The following THAP8 variants were observed in gnomAD, a reference collection of about 807,000 sequenced individuals.
THAP8 encodes THAP domain-containing protein 8.
THAP8 carries 24 observed loss-of-function variants against 25.0 expected under a neutral mutation model. That is an observed-to-expected ratio of 0.96 (90% CI 0.69 to 1.35). The LOEUF is 1.35. Ranked by LOEUF, THAP8 falls within the 40% of genes most tolerant of loss-of-function variation. The probability of loss-of-function intolerance (pLI) is 0.00; values close to 1 mark genes in which losing one functional copy is unlikely to be tolerated. For missense variants in THAP8, 399 were observed against 368.8 expected (o/e 1.08, Z -0.67); for synonymous variants, 169 against 157.6 (o/e 1.07, Z -0.54).
rs977715402 is a variant in THAP8, at chr19:36,054,072, T to C, written c.83+63A>G. On this transcript the variant is annotated intron_variant, in intron 1 of 3. Coordinates refer to ENST00000292894, the MANE Select transcript of THAP8 (RefSeq NM_152658.3). ...CAGAAGCCCCGCACAGCAGCACTAA[T>C]GCTCGGGCCCCACCCCTCTCAGGGT... is the stretch of plus-strand genomic sequence containing the variant. 7.1e-6 allele frequency: 11 copies of C among 1,558,214 alleles called. No homozygotes were observed. In the South Asian group the frequency reaches 9.2e-5, roughly 13 times the overall value.
In THAP8 at chr19:36,039,519, C is replaced by T. The variant is rs191321109; in HGVS notation, c.476G>A (p.Arg159Gln). Residue 159 changes from arginine (R) to glutamine (Q), a missense_variant, in exon 3 of 4, where the codon CGG (arginine) becomes CAG (glutamine). Transcript: ENST00000292894. ...TTGGGCAGGGACTTCAGGTTGTGAC[C>T]GCTCAGGAGTTGGCGCAGGGGCCAG... is the stretch of plus-strand genomic sequence containing the variant. ...TPLAPAPTPE[R>Q]SQPEVPAQQA... 3.0e-4 allele frequency: 470 copies of T among 1,568,306 alleles called. 5 individuals carry two copies. The East Asian group carries it at 9.2e-3, about 31-fold the overall frequency.
chr19:36,042,614 G>A (rs1276924780), intron 1 of THAP8, among the ~76,000 whole-genome samples: 2 of 152,246 alleles, frequency 1.3e-5, no homozygotes, highest in African/African-American at 4.8e-5. Flanking sequence ...CTGGGCAAAA[G>A]AGCGACATGC....
At chr19:36,040,360 C>T (rs117097125) in intron 1 of THAP8, among the ~76,000 whole-genome samples, 1,606 of 152,236 alleles carry the variant, frequency 0.011, 20 homozygotes, top group Non-Finnish European at 0.014. Context: ...GGGTTTCGCA[C>T]TTGTCACCCA....
chr19:36,035,657 T>C, intron 3 of THAP8, 65 bp from the exon 4 acceptor site: 1 of 1,570,818 alleles, frequency 6.4e-7, no homozygotes, highest in Non-Finnish European at 8.7e-7. Context: ...GACAGACAGA[T>C]AACGGTGAGG....
At chr19:36,048,437 C>T (rs186065517) in intron 1 of THAP8, among the ~76,000 whole-genome samples, 84 of 151,574 alleles carry the variant, frequency 5.5e-4, no homozygotes, top group Middle Eastern at 3.4e-3. Context: ...GCGATCTTGG[C>T]TGACTGCAAC....
chr19:36,054,719 A>C, upstream of THAP8: 1 of 592,974 alleles, frequency 1.7e-6, no homozygotes, highest in Non-Finnish European at 3.0e-6. Context: ...GTCTGGATGA[A>C]AGACCCCATG....
chr19:36,036,325 G>C (rs1268788040), intron 3 of THAP8, among the ~76,000 whole-genome samples: 2 of 146,530 alleles, frequency 1.4e-5, no homozygotes, highest in African/African-American at 5.2e-5. Context: ...ACCCAGGCTG[G>C]AGTGCAGTAG....
At chr19:36,036,968 C>T (rs991981348) in intron 3 of THAP8, among the ~76,000 whole-genome samples, 13 of 148,912 alleles carry the variant, frequency 8.7e-5, no homozygotes, top group African/African-American at 2.7e-4. Flanking sequence ...AAATCGGATA[C>T]TCCTTAACTC....
upstream of THAP8, chr19:36,054,658 T>C (rs1970240428): frequency 3.6e-6 from 2 of 561,932 alleles, no homozygotes; most frequent in Non-Finnish European, 6.4e-6. Context: ...GCCGTGGCCT[T>C]AGCCTCGTAA....
At chr19:36,043,430 TAG>T (rs888514546) in intron 1 of THAP8, among the ~76,000 whole-genome samples, 1 of 152,090 alleles carries the variant, frequency 6.6e-6, no homozygotes, top group African/African-American at 2.4e-5. Context: ...CCAATGGGGA[TAG>T]AGTGTTTTAG....
intron 1 of THAP8, among the ~76,000 whole-genome samples, chr19:36,044,767 T>C (rs1363058188): frequency 6.6e-6 from 1 of 152,128 alleles, no homozygotes; most frequent in Non-Finnish European, 1.5e-5. Flanking sequence ...GCTGCGATTA[T>C]AGGCATGAGG....
At chr19:36,042,858 C>T (rs1969745737) in intron 1 of THAP8, among the ~76,000 whole-genome samples, 1 of 152,282 alleles carries the variant, frequency 6.6e-6, no homozygotes, top group East Asian at 1.9e-4. Flanking sequence ...TCTCTGCCTC[C>T]TGGGTTCAAG....
chr19:36,036,666 C>G (rs1464722033), intron 3 of THAP8, among the ~76,000 whole-genome samples: 1 of 151,910 alleles, frequency 6.6e-6, no homozygotes, highest in Non-Finnish European at 1.5e-5. Flanking sequence ...CCTGGCTGGG[C>G]ATGGTGGCTC....
intron 3 of THAP8, among the ~76,000 whole-genome samples, chr19:36,036,415 A>G (rs1459860496): frequency 1.3e-5 from 2 of 151,778 alleles, no homozygotes; most frequent in Admixed American, 6.6e-5. Flanking sequence ...AGCTAGAACT[A>G]TAGGTGCAAC....
At chr19:36,040,852 T>C (rs1969666892) in intron 1 of THAP8, among the ~76,000 whole-genome samples, 1 of 152,128 alleles carries the variant, frequency 6.6e-6, no homozygotes, top group Non-Finnish European at 1.5e-5. Flanking sequence ...AAAACGTTTC[T>C]TCCACACCAT....
chr19:36,035,357 G>A lies in THAP8; in HGVS notation c.*83C>T. The A allele has an allele frequency of 2.6e-6, 4 of 1,527,900 alleles. No homozygotes were observed. The highest frequency in any genetic ancestry group is 3.5e-6 in the Non-Finnish European group (4 of 1,129,104). The allele number at this position is 1,527,900 out of a possible 1,614,324, so 94.6% of individuals were successfully genotyped here. ...CACTGCTACTACCCAGGCGTGGGCG[G>A]TGGGGCTGGGCCAAGCCCACGTATA... On this transcript the variant is annotated 3_prime_UTR_variant, in exon 4 of 4. Transcript: ENST00000292894.
chr19:36,040,868 TGGG>T (rs1365558495), intron 1 of THAP8, among the ~76,000 whole-genome samples: 1 of 152,012 alleles, frequency 6.6e-6, no homozygotes, highest in East Asian at 1.9e-4. Flanking sequence ...ACCATATAAA[TGGG>T]GGTGTGGGGT....
intron 3 of THAP8, among the ~76,000 whole-genome samples, chr19:36,038,150 C>G (rs1288623950): frequency 1.3e-5 from 2 of 151,928 alleles, no homozygotes; most frequent in African/African-American, 2.4e-5. Flanking sequence ...TCTATGTTAC[C>G]CAGGCTGGTT....
chr19:36,037,343 T>TACACACAC (rs58349186), intron 3 of THAP8, among the ~76,000 whole-genome samples: 1,419 of 114,762 alleles, frequency 0.012, 31 homozygotes, highest in East Asian at 0.035. Flanking sequence ...ATTCCTCCCC[T>TACACACAC]ACACACACAC....
Sources: allele counts gnomAD v4.1 joint callset (sites outside exome capture counted in the v4.1 genomes callset), GRCh38; gene constraint gnomAD v4.1.1; transcripts MANE v1.5; gene names NCBI Gene and HGNC (gene_info 2026-07-23, HGNC 2026-07-21).